The following CFAP119 variants were observed in gnomAD, a reference collection of about 807,000 sequenced individuals.
CFAP119 encodes the protein cilia- and flagella-associated protein 119.
the CFAP119 span, chr16:30,761,340 G>A: frequency 1.3e-6 from 2 of 1,513,172 alleles, no homozygotes; most frequent in Non-Finnish European, 9.2e-7. Flanking sequence ...CAAGGACTAA[G>A]GAGAGGCGCG....
the CFAP119 span, chr16:30,757,757 G>A: frequency 4.1e-6 from 6 of 1,468,968 alleles, no homozygotes; most frequent in Admixed American, 5.3e-5. Flanking sequence ...CCCCTGGTGG[G>A]GATATAGAGG....
At chr16:30,761,914 C>T in the CFAP119 span, 31 of 684,506 alleles carry the variant, frequency 4.5e-5, no homozygotes, top group Non-Finnish European at 7.1e-5. Context: ...CGTCTCCCTC[C>T]GTCTCAACGG....
chr16:30,761,270 C>T, the CFAP119 span: 3 of 1,613,272 alleles, frequency 1.9e-6, no homozygotes, highest in Admixed American at 5.0e-5. Flanking sequence ...GCTGCGGTGT[C>T]CTGGCCCGTA....
At chr16:30,759,483 A>AC in the CFAP119 span, 1 of 1,613,902 alleles carries the variant, frequency 6.2e-7, no homozygotes, top group Admixed American at 1.7e-5. Flanking sequence ...CGGAATTAGA[A>AC]CCCTGACTAC....
chr16:30,760,462 GGAGA>G, the CFAP119 span: 1 of 1,613,624 alleles, frequency 6.2e-7, no homozygotes, highest in Non-Finnish European at 8.5e-7. Flanking sequence ...CCCTTGGGAG[GGAGA>G]GAGGAGTGAG....
chr16:30,758,689 G>A, the CFAP119 span: 1 of 338,966 alleles, frequency 3.0e-6, no homozygotes, highest in Admixed American at 4.6e-5. Context: ...CTGAGTAGCT[G>A]GGACTACAAG....
the CFAP119 span, chr16:30,757,523 G>T: frequency 6.2e-7 from 1 of 1,614,200 alleles, no homozygotes; most frequent in Non-Finnish European, 8.5e-7. Context: ...TGGAAGGGCC[G>T]CTCTAGTGCA....
chr16:30,760,097 G>A, the CFAP119 span: 8 of 1,538,714 alleles, frequency 5.2e-6, no homozygotes, highest in Non-Finnish European at 7.0e-6. Flanking sequence ...TGTAAAATGT[G>A]TGCTGTATCC....
At chr16:30,758,994 C>T in the CFAP119 span, 1 of 1,614,048 alleles carries the variant, frequency 6.2e-7, no homozygotes, top group Non-Finnish European at 8.5e-7. Flanking sequence ...GGGCAGCCTG[C>T]CCTCTCCAGA....
At chr16:30,760,297 G>C in the CFAP119 span, 3 of 1,614,190 alleles carry the variant, frequency 1.9e-6, no homozygotes, top group South Asian at 3.3e-5. Flanking sequence ...TACAAGCCTT[G>C]TGAAGATCCT....
the CFAP119 span, chr16:30,757,890 T>G: frequency 8.4e-7 from 1 of 1,197,174 alleles, no homozygotes; most frequent in Non-Finnish European, 1.1e-6. Flanking sequence ...CTGTGTGACC[T>G]TAGGCAGGTT....
the CFAP119 span, chr16:30,757,936 A>C: frequency 1.5e-6 from 1 of 656,216 alleles, no homozygotes; most frequent in Non-Finnish European, 2.2e-6. Context: ...CCTTGTATGA[A>C]ATGTGGATAG....
chr16:30,757,747 C>G, the CFAP119 span: 35 of 1,489,886 alleles, frequency 2.3e-5, no homozygotes, highest in Non-Finnish European at 3.0e-5. Flanking sequence ...CCCCAAATTT[C>G]CCCTGGTGGG....
At chr16:30,757,479 C>G in the CFAP119 span, 2 of 1,612,904 alleles carry the variant, frequency 1.2e-6, no homozygotes, top group Non-Finnish European at 1.7e-6. Flanking sequence ...TTGGGGGTCA[C>G]TTGGTCTTGC....
chr16:30,760,518 G>A, the CFAP119 span: 1 of 1,609,850 alleles, frequency 6.2e-7, no homozygotes, highest in Non-Finnish European at 8.5e-7. Flanking sequence ...CCCACCACAT[G>A]CTTTGGAGTC....
chr16:30,759,215 C>T, the CFAP119 span: 294 of 1,614,192 alleles, frequency 1.8e-4, no homozygotes, highest in African/African-American at 3.6e-3. Context: ...GTGGCTGTAG[C>T]CCCATGTAAG....
chr16:30,758,984 G>A, the CFAP119 span: 2 of 1,613,654 alleles, frequency 1.2e-6, no homozygotes, highest in South Asian at 2.2e-5. Flanking sequence ...CAGAGGGACA[G>A]GGCAGCCTGC....
the CFAP119 span, chr16:30,757,575 C>A: frequency 6.2e-7 from 1 of 1,614,222 alleles, no homozygotes. Flanking sequence ...CCTTGAGCCG[C>A]TCCTCCACCA....
chr16:30,758,547 C>T, the CFAP119 span: 1 of 207,482 alleles, frequency 4.8e-6, no homozygotes, highest in Non-Finnish European at 9.8e-6. Flanking sequence ...TTCAGCTGTG[C>T]TTTTTGTTTG....
Sources: allele counts gnomAD v4.1 joint callset, GRCh38; gene constraint gnomAD v4.1.1; transcripts MANE v1.5; gene names NCBI Gene and HGNC (gene_info 2026-07-23, HGNC 2026-07-21).